PCDH9: variants seen among roughly 807,000 people sequenced by gnomAD.
PCDH9 encodes the protein protocadherin-9.
Under a neutral mutation model 70.6 loss-of-function variants are expected in PCDH9, and 24 were observed. That is an observed-to-expected ratio of 0.34 (90% confidence interval 0.25 to 0.48). The LOEUF (loss-of-function observed/expected upper bound fraction) is 0.48, where lower values mean the gene tolerates loss of function less well. Ranked by LOEUF, PCDH9 falls within the 20% of genes least tolerant of loss-of-function variation. The pLI is 0.99. For missense variants in PCDH9, 1,281 were observed against 1,503.6 expected (o/e 0.85, Z 2.45); for synonymous variants, 562 against 558.5 (o/e 1.01, Z -0.09).
chr13:66,993,560 G>C lies in PCDH9; in HGVS notation c.3037-89955C>G, dbSNP rs937900580. Among the ~76,000 whole-genome samples, 5 of 152,234 alleles carry C rather than the reference G, an allele frequency of 3.3e-5. No individual in the cohort carries two copies. The East Asian group carries it at 9.7e-4, about 29-fold the overall frequency. ...CACAAAGATGATGAATAGGGAAAAAGATTCAAAGTTTTGGCCACTATCATA... is the reference window on the plus strand; with the variant it reads ...CACAAAGATGATGAATAGGGAAAAACATTCAAAGTTTTGGCCACTATCATA... On this transcript the variant is annotated intron_variant, in intron 2 of 4. Coordinates refer to ENST00000377865, the MANE Select transcript of PCDH9 (RefSeq NM_203487.3).
chr13:66,705,093 G>A (rs1354572780), intron 3 of PCDH9, among the ~76,000 whole-genome samples: 1 of 152,174 alleles, frequency 6.6e-6, no homozygotes, highest in Middle Eastern at 3.4e-3. Flanking sequence ...TCTTGAAATG[G>A]TTACAAAGGG....
At chr13:66,738,019 C>G (rs985798098) in intron 3 of PCDH9, among the ~76,000 whole-genome samples, 13 of 152,202 alleles carry the variant, frequency 8.5e-5, no homozygotes, top group Admixed American at 2.6e-4. Context: ...CTGCCTGCCT[C>G]TGTAGCCTCC....
chr13:66,775,114 C>G (rs1451370696), intron 3 of PCDH9, among the ~76,000 whole-genome samples: 1 of 152,130 alleles, frequency 6.6e-6, no homozygotes, highest in African/African-American at 2.4e-5. Flanking sequence ...TGAGCTAACA[C>G]AGTGTTTCTT....
At chr13:66,865,693 C>A (rs1458085892) in intron 3 of PCDH9, among the ~76,000 whole-genome samples, 1 of 152,118 alleles carries the variant, frequency 6.6e-6, no homozygotes, top group Non-Finnish European at 1.5e-5. Context: ...TGGAAATGTC[C>A]GCTTCCTTCG....
At position 66,546,174 on chromosome 13, in the gene PCDH9, A is replaced by T. The variant is rs1468151447; in HGVS notation, c.3340+85036T>A. Among the ~76,000 whole-genome samples the T allele has an allele frequency of 1.3e-4, 10 of 77,700 alleles. 1 individual carries two copies. In the East Asian group the frequency reaches 4.4e-3, roughly 34 times the overall value. 51.0% of individuals were successfully genotyped at this position (77,700 alleles called of 152,430 possible). A position where few individuals can be genotyped will look rare whatever the true frequency, so the allele number is the denominator to read the frequency against. On this transcript the variant is annotated intron_variant, in intron 4 of 4. Coordinates refer to ENST00000377865, the MANE Select transcript of PCDH9 (RefSeq NM_203487.3). ...TTAAAGTATACTTCTTCTATTTATT[A>T]AAAAAAAAAAAAGTTAACTATAAAG...
rs982561324 is a variant in PCDH9 at position 66,945,802 on chromosome 13, C to A, written c.3037-42197G>T. On this transcript the variant is annotated intron_variant, in intron 2 of 4. Coordinates refer to ENST00000377865, the MANE Select transcript of PCDH9 (RefSeq NM_203487.3). The stretch of plus-strand genomic sequence containing the variant: ...TATATTACTGTTGACAGTACAGATA[C>A]CAGGATTCTTGTATGTGTTTTACAG... Among the ~76,000 whole-genome samples, 10 of 152,054 alleles carry A rather than the reference C, an allele frequency of 6.6e-5. No homozygotes were observed. The South Asian group carries it at 1.7e-3, about 25-fold the overall frequency.
intron 3 of PCDH9, among the ~76,000 whole-genome samples, chr13:66,740,161 A>C (rs2079235664): frequency 6.9e-6 from 1 of 145,490 alleles, no homozygotes; most frequent in Non-Finnish European, 1.5e-5. Flanking sequence ...CAGTGCAATC[A>C]AACTAGAACT....
intron 3 of PCDH9, among the ~76,000 whole-genome samples, chr13:66,820,534 A>G (rs1306790212): frequency 6.6e-6 from 1 of 152,182 alleles, no homozygotes; most frequent in Non-Finnish European, 1.5e-5. Context: ...TTCTCTTATA[A>G]AGACGGATAC....
chr13:66,662,337 G>T (rs568544120), intron 3 of PCDH9, among the ~76,000 whole-genome samples: 2 of 152,038 alleles, frequency 1.3e-5, no homozygotes, highest in Non-Finnish European at 2.9e-5. Context: ...GCCAGCCGTG[G>T]TGGCTCATGC....
At chr13:66,621,151 T>A (rs2077416689) in intron 4 of PCDH9, among the ~76,000 whole-genome samples, 1 of 152,206 alleles carries the variant, frequency 6.6e-6, no homozygotes, top group Admixed American at 6.5e-5. Context: ...TATGACCATT[T>A]GTCACCTTGA....
At chr13:67,012,815 G>A (rs531376969) in intron 2 of PCDH9, among the ~76,000 whole-genome samples, 2 of 151,878 alleles carry the variant, frequency 1.3e-5, no homozygotes, top group African/African-American at 2.4e-5. Flanking sequence ...ACACTGTAGC[G>A]AAAATTCCGA....
intron 2 of PCDH9, among the ~76,000 whole-genome samples, chr13:66,999,962 C>T (rs1239522001): frequency 2.0e-5 from 3 of 152,084 alleles, no homozygotes; most frequent in Non-Finnish European, 4.4e-5. Flanking sequence ...TACCATTTGA[C>T]CCAGCCATCC....
chr13:67,057,579 T>C (rs1258555562), intron 2 of PCDH9, among the ~76,000 whole-genome samples: 1 of 151,900 alleles, frequency 6.6e-6, no homozygotes, highest in African/African-American at 2.4e-5. Flanking sequence ...TGTCACAAAC[T>C]AGTTGGCGAG....
intron 3 of PCDH9, among the ~76,000 whole-genome samples, chr13:66,770,304 C>A (rs537211518): frequency 6.6e-6 from 1 of 152,100 alleles, no homozygotes; most frequent in African/African-American, 2.4e-5. Context: ...TCATAAATTA[C>A]CACTAAAGAA....
At chr13:67,075,254 T>A (rs1050282160) in intron 2 of PCDH9, among the ~76,000 whole-genome samples, 1 of 152,024 alleles carries the variant, frequency 6.6e-6, no homozygotes, top group Non-Finnish European at 1.5e-5. Context: ...AATACATATA[T>A]TTTGAGGAAC....
At chr13:67,052,974 G>C (rs2085350622) in intron 2 of PCDH9, among the ~76,000 whole-genome samples, 1 of 152,064 alleles carries the variant, frequency 6.6e-6, no homozygotes, top group South Asian at 2.1e-4. Context: ...TTCCATCAGA[G>C]CTTGGAAGTG....
chr13:66,502,215 T>A (rs1959180438), intron 4 of PCDH9, among the ~76,000 whole-genome samples: 1 of 152,128 alleles, frequency 6.6e-6, no homozygotes, highest in South Asian at 2.1e-4. Context: ...AAGTAAACAT[T>A]CTTCTTTTGA....
intron 2 of PCDH9, among the ~76,000 whole-genome samples, chr13:67,099,133 A>T (rs2086381450): frequency 6.6e-6 from 1 of 152,212 alleles, no homozygotes; most frequent in Admixed American, 6.5e-5. Context: ...GTCAATTTAC[A>T]TGAATGTAGA....
At chr13:67,066,596 A>AG in intron 2 of PCDH9, among the ~76,000 whole-genome samples, 1 of 152,294 alleles carries the variant, frequency 6.6e-6, no homozygotes, top group Middle Eastern at 3.4e-3. Flanking sequence ...TAAGCCAGAT[A>AG]TGGAGAAACC....
Sources: allele counts gnomAD v4.1 joint callset (sites outside exome capture counted in the v4.1 genomes callset), GRCh38; gene constraint gnomAD v4.1.1; transcripts MANE v1.5; gene names NCBI Gene and HGNC (gene_info 2026-07-23, HGNC 2026-07-21).